KIAA1549: variants seen among roughly 807,000 people sequenced by gnomAD.
KIAA1549 encodes the protein KIAA1549.
A neutral mutation model predicts 156.4 loss-of-function variants in KIAA1549; 70 were observed. The ratio of observed to expected loss-of-function variants is 0.45; its 90% CI spans 0.37 to 0.55. The LOEUF is 0.55. Ranked by LOEUF, KIAA1549 falls within the 20% of genes least tolerant of loss-of-function variation. KIAA1549 has a pLI of 0.00. For missense variants in KIAA1549, 2,428 were observed against 2,540.9 expected, an observed-to-expected ratio of 0.96 and a Z score of 0.96; for synonymous variants, 1,103 against 1,066.4, an observed-to-expected ratio of 1.03 and a Z score of -0.67.
At chr7:138,846,419 A>G (rs1810075400) in intron 17 of KIAA1549, among the ~76,000 whole-genome samples, 1 of 151,702 alleles carries the variant, frequency 6.6e-6, no homozygotes, top group Admixed American at 6.6e-5. Flanking sequence ...CAAGTAATCC[A>G]GATACTCAGG....
chr7:138,937,805 T>TGA (rs1813061735), intron 1 of KIAA1549, among the ~76,000 whole-genome samples: 1 of 152,124 alleles, frequency 6.6e-6, no homozygotes, highest in African/African-American at 2.4e-5. Context: ...CTCTAGGGTT[T>TGA]GAGAGAGAAA....
intron 1 of KIAA1549, among the ~76,000 whole-genome samples, chr7:138,929,247 G>C (rs1812805933): frequency 1.3e-5 from 2 of 152,134 alleles, no homozygotes; most frequent in Non-Finnish European, 2.9e-5. Context: ...CTAGGCTTAT[G>C]GAATATTCTA....
At chr7:138,956,961 A>G (rs1813683946) in intron 1 of KIAA1549, among the ~76,000 whole-genome samples, 1 of 152,222 alleles carries the variant, frequency 6.6e-6, no homozygotes, top group Non-Finnish European at 1.5e-5. Flanking sequence ...CTAGTTAGGA[A>G]CAATCATAAC....
At chr7:138,980,909 C>T (rs1814525421) in intron 1 of KIAA1549, among the ~76,000 whole-genome samples, 174 bp downstream of exon 1, 1 of 152,220 alleles carries the variant, frequency 6.6e-6, no homozygotes, top group African/African-American at 2.4e-5. Context: ...TATTTATTTC[C>T]CCCGTGCCTT....
At chr7:138,891,372 C>T in intron 10 of KIAA1549, among the ~76,000 whole-genome samples, 1 of 152,234 alleles carries the variant, frequency 6.6e-6, no homozygotes, top group Non-Finnish European at 1.5e-5. Context: ...AATAAGTTTC[C>T]ATGAGGCCAG....
Position 138,894,323 on chromosome 7 carries a change from G to T in KIAA1549, c.4032+19C>A. On this transcript the variant is annotated intron_variant, in intron 10 of 19. Transcript: ENST00000422774. The stretch of plus-strand genomic sequence containing the variant: ...CAAAACTGCTTATAGGAACACTGGG[G>T]GAAGAGGCTGCCCGTTACCTTCTGA... 6.2e-7 allele frequency: 1 copy of T among 1,612,960 alleles called. No individual in the cohort carries two copies. Among genetic ancestry groups the T allele is most frequent in the Non-Finnish European group, 8.5e-7 (1 of 1,179,096 alleles).
Position 138,906,982 on chromosome 7 carries a change from T to G in KIAA1549, c.3397A>C (p.Arg1133=). The part of the protein sequence containing the change: ...LNGSEVSELL[R]NLSVVEFSFY... ...CTGAACTCCACCACACTCAAGTTTC[T>G]GAGCAGCTCGCTCACTTCCGACCCA... Residue 1133 remains arginine, a synonymous_variant, in exon 6 of 20, where the codon AGA becomes CGA. Coordinates refer to ENST00000422774, the MANE Select transcript of KIAA1549 (RefSeq NM_001164665.2). The G allele has an allele frequency of 6.2e-7, 1 of 1,613,452 alleles. No individual in the cohort carries two copies.
Position 138,909,803 on chromosome 7 carries a change from C to T in KIAA1549, c.3146-682G>A, listed in dbSNP as rs148151672. On this transcript the variant is annotated intron_variant, in intron 4 of 19. Coordinates refer to ENST00000422774, the MANE Select transcript of KIAA1549 (RefSeq NM_001164665.2). ...CTCTACTAAAAATACAAAAATTAGC[C>T]GGACATGGTGGTGGGTGCTTGTAAT... Among the ~76,000 whole-genome samples, 1,061 of 151,872 alleles carry T rather than the reference C, an allele frequency of 7.0e-3. 16 individuals carry two copies. Among genetic ancestry groups the T allele is most frequent in the African/African-American group, 0.024 (985 of 41,398 alleles).
Position 138,837,819 on chromosome 7 carries a change from C to T in KIAA1549, c.*87G>A. Reference sequence around the variant, plus strand: ...CAGGCTGCCCGAGAGTTGCTCCTTCCTCTTCCAAACACCCACTCAGTTGAT... The same window carrying T: ...CAGGCTGCCCGAGAGTTGCTCCTTCTTCTTCCAAACACCCACTCAGTTGAT... On this transcript the variant is annotated 3_prime_UTR_variant, in exon 20 of 20. Coordinates refer to ENST00000422774, the MANE Select transcript of KIAA1549 (RefSeq NM_001164665.2). The T allele has an allele frequency of 6.8e-7, 1 of 1,472,830 alleles. No homozygotes were observed. Among genetic ancestry groups the T allele is most frequent in the Non-Finnish European group, 9.1e-7 (1 of 1,095,590 alleles). The allele number at this position is 1,472,830 out of a possible 1,614,324, so 91.2% of individuals were successfully genotyped here.
intron 2 of KIAA1549, among the ~76,000 whole-genome samples, chr7:138,916,386 T>G (rs1271452017): frequency 1.3e-5 from 2 of 152,222 alleles, no homozygotes; most frequent in African/African-American, 2.4e-5. Flanking sequence ...GTTCTTGTAT[T>G]TGTTCTAATA....
chr7:138,855,080 A>AG (rs1584705422), intron 16 of KIAA1549, among the ~76,000 whole-genome samples: 1 of 152,268 alleles, frequency 6.6e-6, no homozygotes, highest in East Asian at 1.9e-4. Flanking sequence ...GAGTACACTG[A>AG]GGGGTGCACT....
rs775774696 is a variant in KIAA1549, at chr7:138,833,292, A to G, written c.*4614T>C. The G allele has an allele frequency of 2.2e-5, 5 of 232,534 alleles. No individual in the cohort carries two copies. The highest frequency in any genetic ancestry group is 3.4e-5 in the Non-Finnish European group (4 of 117,714). The allele number at this position is 232,534 out of a possible 1,614,324, so 14.4% of individuals were successfully genotyped here. ...TGTCTGAGAATCTAGTGTGAAAGGG[A>G]TGAGAGAGACTTATATAACAACTAA... On this transcript the variant is annotated 3_prime_UTR_variant, in exon 20 of 20. Coordinates refer to ENST00000422774, the MANE Select transcript of KIAA1549 (RefSeq NM_001164665.2).
At chr7:138,908,794 T>C (rs1438450401) in intron 5 of KIAA1549, among the ~76,000 whole-genome samples, 197 bp downstream of exon 5, 1 of 152,200 alleles carries the variant, frequency 6.6e-6, no homozygotes, top group Non-Finnish European at 1.5e-5. Context: ...GGGTATCAGC[T>C]ACTCTGCAAC....
At chr7:138,944,662 T>C (rs1370319879) in intron 1 of KIAA1549, among the ~76,000 whole-genome samples, 1 of 146,994 alleles carries the variant, frequency 6.8e-6, no homozygotes, top group Non-Finnish European at 1.5e-5. Context: ...AACTAATGAA[T>C]GGAAAAAAAA....
chr7:138,852,711 G>C (rs1810269661), intron 16 of KIAA1549, among the ~76,000 whole-genome samples: 1 of 152,240 alleles, frequency 6.6e-6, no homozygotes, highest in African/African-American at 2.4e-5. Context: ...CCCAGTGGCT[G>C]CCCAGTACCT....
chr7:138,962,120 T>C (rs1231716063), intron 1 of KIAA1549, among the ~76,000 whole-genome samples: 1 of 152,138 alleles, frequency 6.6e-6, no homozygotes, highest in African/African-American at 2.4e-5. Context: ...CTTATAATTG[T>C]ACTGGATAGG....
intron 5 of KIAA1549, 108 bp downstream of exon 5, chr7:138,908,883 G>C: frequency 7.5e-7 from 1 of 1,342,066 alleles, no homozygotes; most frequent in Non-Finnish European, 1.0e-6. Context: ...ACATAAACTG[G>C]GTTTCCGCCA....
intron 15 of KIAA1549, among the ~76,000 whole-genome samples, chr7:138,861,760 A>C (rs913392760): frequency 1.3e-5 from 2 of 151,716 alleles, no homozygotes; most frequent in African/African-American, 4.8e-5. Context: ...AGTCCCAGTT[A>C]CTTGGGAGGC....
intron 12 of KIAA1549, among the ~76,000 whole-genome samples, chr7:138,877,437 T>A (rs1012593477): frequency 6.6e-6 from 1 of 152,134 alleles, no homozygotes; most frequent in South Asian, 2.1e-4. Flanking sequence ...GAGGTTGCAG[T>A]GAGCCAAGAT....
Sources: gnomAD v4.1 joint callset for allele counts (sites outside exome capture counted in the v4.1 genomes callset) on GRCh38, gnomAD v4.1.1 for gene constraint, MANE v1.5 for transcripts, NCBI Gene and HGNC (gene_info 2026-07-23, HGNC 2026-07-21) for gene names.